The following MAGI3 variants were observed in gnomAD, a reference collection of about 807,000 sequenced individuals.
MAGI3 encodes the protein membrane-associated guanylate kinase, WW and PDZ domain-containing protein 3.
MAGI3 carries 43 observed loss-of-function variants against 121.8 expected under a neutral mutation model. The ratio of observed to expected loss-of-function variants is 0.35; its 90% CI spans 0.28 to 0.46. The LOEUF (loss-of-function observed/expected upper bound fraction) is 0.46, where lower values mean the gene tolerates loss of function less well. MAGI3 is among the 20% of genes least tolerant of loss of function. The pLI is 1.00. For synonymous variants in MAGI3, 553 were observed against 639.3 expected (o/e 0.86, Z 2.04); for missense variants, 1,547 against 1,797.3 (o/e 0.86, Z 2.52).
At chr1:113,593,736 C>T (rs149911988) in intron 5 of MAGI3, among the ~76,000 whole-genome samples, 43 of 152,228 alleles carry the variant, frequency 2.8e-4, no homozygotes, top group African/African-American at 8.9e-4. Flanking sequence ...TGGTCTGAAA[C>T]TAACTGACTA....
At chr1:113,398,101 T>C (rs1452634486) in intron 1 of MAGI3, among the ~76,000 whole-genome samples, 2 of 152,112 alleles carry the variant, frequency 1.3e-5, no homozygotes, top group Non-Finnish European at 2.9e-5. Flanking sequence ...GCAACCCACT[T>C]ACCTGCAGCC....
chr1:113,468,942 C>T (rs1655418116), intron 1 of MAGI3, among the ~76,000 whole-genome samples: 1 of 151,896 alleles, frequency 6.6e-6, no homozygotes, highest in Non-Finnish European at 1.5e-5. Flanking sequence ...ATAGTAGATA[C>T]TTAATAGTTG....
intron 1 of MAGI3, among the ~76,000 whole-genome samples, chr1:113,518,523 G>A (rs1184468294): frequency 3.3e-5 from 5 of 152,144 alleles, no homozygotes; most frequent in Admixed American, 2.6e-4. Context: ...TATCTTTAAT[G>A]TAGATGTTTG....
At chr1:113,633,634 A>G (rs1651809702) in intron 9 of MAGI3, among the ~76,000 whole-genome samples, 1 of 152,058 alleles carries the variant, frequency 6.6e-6, no homozygotes, top group South Asian at 2.1e-4. Context: ...CCAGTCTATC[A>G]TTGTTGGACA....
chr1:113,638,237 G>A (rs1448952741), intron 9 of MAGI3, among the ~76,000 whole-genome samples: 1 of 152,220 alleles, frequency 6.6e-6, no homozygotes, highest in Non-Finnish European at 1.5e-5. Context: ...ACTCGTCAAA[G>A]TCATTCTCCA....
intron 2 of MAGI3, among the ~76,000 whole-genome samples, chr1:113,568,527 A>G (rs941219025): frequency 6.6e-6 from 1 of 152,118 alleles, no homozygotes; most frequent in Non-Finnish European, 1.5e-5. Flanking sequence ...TACAAAAAGC[A>G]AGATAGGTGG....
intron 1 of MAGI3, among the ~76,000 whole-genome samples, chr1:113,533,676 A>G (rs1465572370): frequency 6.6e-6 from 1 of 152,138 alleles, no homozygotes; most frequent in Non-Finnish European, 1.5e-5. Flanking sequence ...CAACTCAGAA[A>G]GACCTTGTTG....
At chr1:113,542,704 C>G (rs1183508485) in intron 1 of MAGI3, among the ~76,000 whole-genome samples, 13 of 152,090 alleles carry the variant, frequency 8.5e-5, no homozygotes, top group Admixed American at 8.5e-4. Context: ...TAAGCTTATG[C>G]AAAAGAAGAA....
rs75174144 is a variant in MAGI3, at chr1:113,535,404, A to T, written c.317-14111A>T. 6.0e-4 allele frequency among the ~76,000 whole-genome samples: 92 copies of T among 152,268 alleles called. No homozygotes were observed. In the East Asian group the frequency reaches 0.012, roughly 20 times the overall value. ...ATTTTAGAATATGTTTTGCATACAC[A>T]TATAAGAAACATGTACCAATTTTGT... is the stretch of plus-strand genomic sequence containing the variant. On this transcript the variant is annotated intron_variant, in intron 1 of 20. Transcript: ENST00000307546.
At chr1:113,563,909 A>G (rs1208809807) in intron 2 of MAGI3, among the ~76,000 whole-genome samples, 4 of 152,142 alleles carry the variant, frequency 2.6e-5, no homozygotes, top group Admixed American at 2.6e-4. Flanking sequence ...GGCTGTTACC[A>G]TACCCTCTTC....
intron 1 of MAGI3, among the ~76,000 whole-genome samples, chr1:113,528,197 T>C (rs1395124728): frequency 1.3e-5 from 2 of 152,096 alleles, no homozygotes; most frequent in African/African-American, 2.4e-5. Context: ...GGCTTTTTTT[T>C]CCCTTCCTAA....
intron 6 of MAGI3, among the ~76,000 whole-genome samples, chr1:113,595,215 A>T (rs1355403546): frequency 6.6e-6 from 1 of 152,066 alleles, no homozygotes; most frequent in African/African-American, 2.4e-5. Context: ...AAATGGGAGG[A>T]TTGCTTGAGC....
intron 2 of MAGI3, among the ~76,000 whole-genome samples, chr1:113,577,590 T>A (rs765004250): frequency 1.3e-5 from 2 of 152,114 alleles, no homozygotes; most frequent in East Asian, 1.9e-4. Context: ...TAACTTTATG[T>A]GTATTGGGTT....
At chr1:113,436,784 TC>T (rs1653584819) in intron 1 of MAGI3, among the ~76,000 whole-genome samples, 2 of 152,032 alleles carry the variant, frequency 1.3e-5, no homozygotes, top group Non-Finnish European at 2.9e-5. Context: ...TATTCTGTTT[TC>T]TTTTTTTCCA....
In MAGI3 at chr1:113,406,412, T is replaced by C. The variant is rs542006764; in HGVS notation, c.316+15063T>C. On this transcript the variant is annotated intron_variant, in intron 1 of 20. Coordinates refer to ENST00000307546, the MANE Select transcript of MAGI3 (RefSeq NM_001142782.2). ...GCAGTAAATTATGATCGTGCTACTG[T>C]ACTCCAGCCTGGATGACAGAGCAAG... Among the ~76,000 whole-genome samples the C allele has an allele frequency of 2.4e-3, 349 of 147,650 alleles. 2 individuals are homozygous for C. The highest frequency in any genetic ancestry group is 8.4e-3 in the African/African-American group (336 of 39,838).
chr1:113,572,353 T>C (rs1286414573), intron 2 of MAGI3, among the ~76,000 whole-genome samples: 1 of 151,960 alleles, frequency 6.6e-6, no homozygotes, highest in Non-Finnish European at 1.5e-5. Flanking sequence ...ACCTGAAACT[T>C]TCTTTTTTTG....
At chr1:113,560,799 A>G (rs968686599) in intron 2 of MAGI3, among the ~76,000 whole-genome samples, 1 of 152,202 alleles carries the variant, frequency 6.6e-6, no homozygotes, top group Non-Finnish European at 1.5e-5. Flanking sequence ...GAGACATGAA[A>G]AACCCTTCAA....
intron 20 of MAGI3, chr1:113,682,434 A>T (rs1156542477): frequency 7.2e-7 from 1 of 1,388,514 alleles, no homozygotes; most frequent in Non-Finnish European, 9.3e-7. Context: ...TGACAGCTTA[A>T]TGCAAGAGAA....
chr1:113,680,618 G>C (rs1374215121), intron 19 of MAGI3, among the ~76,000 whole-genome samples: 1 of 152,064 alleles, frequency 6.6e-6, no homozygotes, highest in African/African-American at 2.4e-5. Flanking sequence ...TTAGCCGGGC[G>C]TGGTGGCGGG....
Sources: allele counts gnomAD v4.1 joint callset (sites outside exome capture counted in the v4.1 genomes callset), GRCh38; gene constraint gnomAD v4.1.1; transcripts MANE v1.5; gene names NCBI Gene and HGNC (gene_info 2026-07-23, HGNC 2026-07-21).